The following MRRF variants were observed in gnomAD, a reference collection of about 807,000 sequenced individuals.
The protein encoded by MRRF is mitochondrial ribosome recycling factor, also known as ribosome-recycling factor, mitochondrial.
In MRRF, 18 loss-of-function variants were observed where a neutral mutation model predicts 25.1. The observed-to-expected ratio is 0.72, with a 90% CI of 0.50 to 1.06. The LOEUF (loss-of-function observed/expected upper bound fraction) is 1.06, where lower values mean the gene tolerates loss of function less well. Ranked by LOEUF, MRRF falls within the 50% of genes least tolerant of loss-of-function variation. The pLI, the probability that MRRF is intolerant of heterozygous loss-of-function variation, is 0.00. For synonymous variants in MRRF, 113 were observed against 112.1 expected (o/e 1.01, Z -0.05); for missense variants, 323 against 319.3 (o/e 1.01, Z -0.09).
At chr9:122,294,311 A>G (rs1283621179) in intron 5 of MRRF, among the ~76,000 whole-genome samples, 1 of 152,260 alleles carries the variant, frequency 6.6e-6, no homozygotes, top group African/African-American at 2.4e-5. Context: ...TTGACATAAC[A>G]TGCATTTCTG....
intron 4 of MRRF, chr9:122,286,029 G>T: frequency 2.3e-6 from 3 of 1,298,754 alleles, no homozygotes; most frequent in Non-Finnish European, 3.0e-6. Flanking sequence ...TTTTGTTATT[G>T]GTCCACTAGG....
chr9:122,285,884 CTT>C lies in MRRF; in HGVS notation c.459+600_459+601del, dbSNP rs1280646380. Reference sequence around the variant, plus strand: ...TTTGGAGCAGACCCTCCAGGAAGTCCTTTTATACTAGACTGACCATTGCAGAA... The same window carrying C: ...TTTGGAGCAGACCCTCCAGGAAGTCCTTATACTAGACTGACCATTGCAGAA... On this transcript the variant is annotated intron_variant, in intron 4 of 6. Coordinates refer to ENST00000344641, the MANE Select transcript of MRRF (RefSeq NM_138777.5). 4 of 1,285,880 alleles carry C rather than the reference CTT, an allele frequency of 3.1e-6. No homozygotes were observed. The East Asian group carries it at 2.2e-4, about 72-fold the overall frequency. 79.7% of individuals were successfully genotyped at this position (1,285,880 alleles called of 1,614,324 possible).
chr9:122,272,943 T>C (rs1832549400), intron 2 of MRRF, among the ~76,000 whole-genome samples: 1 of 152,198 alleles, frequency 6.6e-6, no homozygotes, highest in Non-Finnish European at 1.5e-5. Context: ...TGTGTGAGTT[T>C]CTGTATATAT....
At chr9:122,286,226 C>G in intron 4 of MRRF, 1 of 1,282,322 alleles carries the variant, frequency 7.8e-7, no homozygotes, top group Non-Finnish European at 1.0e-6. Flanking sequence ...AAGTCATAGA[C>G]CAAGGTTGGA....
intron 3 of MRRF, among the ~76,000 whole-genome samples, chr9:122,282,181 A>G (rs1181472722): frequency 6.6e-6 from 1 of 152,160 alleles, no homozygotes; most frequent in African/African-American, 2.4e-5. Flanking sequence ...TTTATCTTTC[A>G]TTACCATCTG....
At chr9:122,265,776 A>G in intron 1 of MRRF, 3 of 1,288,314 alleles carry the variant, frequency 2.3e-6, no homozygotes, top group East Asian at 5.5e-5. Flanking sequence ...GCAGGGAGTG[A>G]TAAGGTAGGC....
chr9:122,317,875 C>T (rs751698911), intron 6 of MRRF, among the ~76,000 whole-genome samples: 37 of 152,036 alleles, frequency 2.4e-4, no homozygotes, highest in Admixed American at 1.5e-3. Context: ...CAGTGGCTCA[C>T]GCTTATAATC....
intron 4 of MRRF, among the ~76,000 whole-genome samples, chr9:122,289,016 A>G (rs748031125): frequency 1.8e-4 from 27 of 152,208 alleles, no homozygotes; most frequent in Non-Finnish European, 2.6e-4. Context: ...TGGAAAGTCT[A>G]TAGGAATGTA....
At chr9:122,292,318 G>C (rs993835182) in intron 5 of MRRF, among the ~76,000 whole-genome samples, 1 of 152,092 alleles carries the variant, frequency 6.6e-6, no homozygotes, top group Non-Finnish European at 1.5e-5. Flanking sequence ...AAGCAGAAAG[G>C]CCTCCAGTTT....
At chr9:122,280,652 T>C in intron 3 of MRRF, 54 bp downstream of exon 3, 1 of 1,573,504 alleles carries the variant, frequency 6.4e-7, no homozygotes, top group Non-Finnish European at 8.7e-7. Context: ...GAGCATGGGT[T>C]TGGCAGAGTT....
At position 122,324,023 on chromosome 9, in the gene MRRF, G is replaced by C. The variant is rs966247013; in HGVS notation, c.*1406G>C. Reference sequence around the variant, plus strand: ...CAACATGGAACACTTCTGTGACAAGGTGTGTGAGTTTGTTTCCCCCACACA... The same window carrying C: ...CAACATGGAACACTTCTGTGACAAGCTGTGTGAGTTTGTTTCCCCCACACA... On this transcript the variant is annotated 3_prime_UTR_variant, in exon 7 of 7. Transcript: ENST00000344641. 1 of 152,132 alleles carries C rather than the reference G, an allele frequency of 6.6e-6. No individual in the cohort carries two copies. Among genetic ancestry groups the C allele is most frequent in the Non-Finnish European group, 1.5e-5 (1 of 68,038 alleles). The allele number at this position is 152,132 out of a possible 1,614,324, so 9.4% of individuals were successfully genotyped here. A position where few individuals can be genotyped will look rare whatever the true frequency, so the allele number is the denominator to read the frequency against.
chr9:122,283,392 G>A (rs564743479), intron 3 of MRRF, among the ~76,000 whole-genome samples: 5 of 152,106 alleles, frequency 3.3e-5, no homozygotes, highest in African/African-American at 4.8e-5. Context: ...TGTACCCGGT[G>A]AGATATAAGT....
intron 5 of MRRF, among the ~76,000 whole-genome samples, chr9:122,311,966 A>G (rs1026480948): frequency 1.3e-5 from 2 of 152,232 alleles, no homozygotes; most frequent in African/African-American, 2.4e-5. Flanking sequence ...TTTTTGTTCA[A>G]TGAATTAAAA....
At chr9:122,268,888 G>A (rs1008203852) in intron 1 of MRRF, among the ~76,000 whole-genome samples, 4 of 152,186 alleles carry the variant, frequency 2.6e-5, no homozygotes, top group African/African-American at 7.2e-5. Flanking sequence ...TCATTAGGCC[G>A]GGTGCGGTGG....
At chr9:122,302,889 C>T (rs906283072) in intron 5 of MRRF, among the ~76,000 whole-genome samples, 1 of 152,156 alleles carries the variant, frequency 6.6e-6, no homozygotes, top group African/African-American at 2.4e-5. Flanking sequence ...TTATGATTAT[C>T]ATCCTAGAGG....
chr9:122,276,535 C>T (rs1334039712), intron 2 of MRRF, among the ~76,000 whole-genome samples: 1 of 152,100 alleles, frequency 6.6e-6, no homozygotes, highest in Non-Finnish European at 1.5e-5. Flanking sequence ...TCTTTATAGC[C>T]CATGAGTGTT....
Position 122,327,660 on chromosome 9 carries a change from G to A in MRRF, c.*5043G>A, listed in dbSNP as rs1364631070. 1 of 152,166 alleles carries A rather than the reference G, an allele frequency of 6.6e-6. No individual in the cohort carries two copies. The highest frequency in any genetic ancestry group is 2.4e-5 in the African/African-American group (1 of 41,438). 9.4% of individuals were successfully genotyped at this position (152,166 alleles called of 1,614,324 possible). A position where few individuals can be genotyped will look rare whatever the true frequency, so the allele number is the denominator to read the frequency against. ...TTCCTTCTTGCATTTTCTGCTTTAT[G>A]AAAATGGATTCTGCTTTGTGAAAGT... On this transcript the variant is annotated 3_prime_UTR_variant, in exon 7 of 7. Transcript: ENST00000344641.
intron 5 of MRRF, among the ~76,000 whole-genome samples, chr9:122,293,792 T>A (rs919731747): frequency 2.0e-5 from 3 of 152,300 alleles, no homozygotes; most frequent in Admixed American, 6.5e-5. Flanking sequence ...TCACAGGCTG[T>A]GTGCCAGGCC....
intron 5 of MRRF, among the ~76,000 whole-genome samples, chr9:122,295,533 C>T (rs1046017568): frequency 2.6e-5 from 4 of 151,748 alleles, no homozygotes; most frequent in African/African-American, 7.3e-5. Context: ...GCAGCCTGCG[C>T]CTCCCAGGTT....
Sources: allele counts gnomAD v4.1 joint callset (sites outside exome capture counted in the v4.1 genomes callset), GRCh38; gene constraint gnomAD v4.1.1; transcripts MANE v1.5; gene names NCBI Gene and HGNC (gene_info 2026-07-23, HGNC 2026-07-21).